Variants in CRELD1 observed in about 807,000 individuals in gnomAD.
CRELD1 encodes the protein CRELD disulfide isomerase 1, also known as protein disulfide isomerase CRELD1.
In CRELD1, 42 loss-of-function variants were observed where a neutral mutation model predicts 58.2. That is an observed-to-expected ratio of 0.72 (90% confidence interval 0.56 to 0.93). The LOEUF is 0.93. Among genes scored for constraint, CRELD1 ranks in the 40% least tolerant of loss-of-function variants. The pLI is 0.00. For missense variants in CRELD1, 500 were observed against 540.6 expected, an observed-to-expected ratio of 0.92 and a Z score of 0.74; for synonymous variants, 222 against 202.0, an observed-to-expected ratio of 1.10 and a Z score of -0.84.
Position 9,940,986 on chromosome 3 carries a change from C to CT in CRELD1, c.600dup (p.Glu201Ter). 1 of 1,614,144 alleles carries CT rather than the reference C, an allele frequency of 6.2e-7. No individual in the cohort carries two copies. ...CCTGTGGCCAGTGTGGCCTTGGCTACTTTGAGGCAGAACGCAACGCCAGCC... is the reference window on the plus strand; with the variant it reads ...CCTGTGGCCAGTGTGGCCTTGGCTACTTTTGAGGCAGAACGCAACGCCAGCC... On this transcript the variant is annotated frameshift_variant, in exon 6 of 11. Transcript: ENST00000452070. LOFTEE classifies it high-confidence loss of function.
Position 9,934,433 on chromosome 3 carries a change from G to C in CRELD1, c.-6G>C, listed in dbSNP as rs747022364. The C allele has an allele frequency of 1.2e-6, 2 of 1,613,688 alleles. No homozygotes were observed. Among genetic ancestry groups the C allele is most frequent in the Non-Finnish European group, 1.7e-6 (2 of 1,179,744 alleles). On this transcript the variant is annotated 5_prime_UTR_variant, in exon 2 of 11. Coordinates refer to ENST00000452070, the MANE Select transcript of CRELD1 (RefSeq NM_001077415.3). ...CTCTATCTGCAGGTCCCCAGCCTGGGTAAAGATGGCCCCATGGCCCCCGAA... is the reference window on the plus strand; with the variant it reads ...CTCTATCTGCAGGTCCCCAGCCTGGCTAAAGATGGCCCCATGGCCCCCGAA...
At chr3:9,943,962 C>A in intron 10 of CRELD1, 1 of 1,178,730 alleles carries the variant, frequency 8.5e-7, no homozygotes, top group Non-Finnish European at 1.3e-6. Context: ...AAGTTGGGTT[C>A]TCATCCCCAC....
chr3:9,937,195 A>G (rs1457836024), intron 3 of CRELD1, among the ~76,000 whole-genome samples: 2 of 152,134 alleles, frequency 1.3e-5, no homozygotes, highest in Non-Finnish European at 2.9e-5. Flanking sequence ...TAATTTCTCC[A>G]CATCCCTGCC....
intron 5 of CRELD1, among the ~76,000 whole-genome samples, chr3:9,939,868 G>A (rs1246515670): frequency 3.6e-4 from 55 of 152,166 alleles, no homozygotes; most frequent in African/African-American, 1.2e-3. Context: ...AGACGGGGTG[G>A]TGGCCGGGCA....
intron 3 of CRELD1, chr3:9,935,955 A>C (rs887886001): frequency 1.3e-5 from 2 of 152,250 alleles, no homozygotes; most frequent in Non-Finnish European, 2.9e-5. Flanking sequence ...GGAAGGATAC[A>C]GAAAGCCATT....
rs970504458 is a variant in CRELD1 at position 9,944,961 on chromosome 3, C to G, written c.*382C>G. ...GCTGCCAGTTCCTGTTCTGTGTTCA[C>G]CACATCCCCACACCCCATTGCCACT... On this transcript the variant is annotated 3_prime_UTR_variant, in exon 11 of 11. Coordinates refer to ENST00000452070, the MANE Select transcript of CRELD1 (RefSeq NM_001077415.3). 11 of 329,362 alleles carry G rather than the reference C, an allele frequency of 3.3e-5. No individual in the cohort carries two copies. Among genetic ancestry groups the G allele is most frequent in the African/African-American group, 1.9e-4 (9 of 47,134 alleles). The allele number at this position is 329,362 out of a possible 1,614,324, so 20.4% of individuals were successfully genotyped here.
intron 7 of CRELD1, among the ~76,000 whole-genome samples, chr3:9,941,837 G>T (rs2085378762): frequency 6.7e-6 from 1 of 148,204 alleles, no homozygotes; most frequent in Non-Finnish European, 1.5e-5. Context: ...TTGGCTAGGA[G>T]AATGAGGACA....
chr3:9,941,732 G>A (rs2124853147), intron 7 of CRELD1, among the ~76,000 whole-genome samples: 1 of 144,754 alleles, frequency 6.9e-6, no homozygotes. Context: ...GGAGCTTGCA[G>A]TGAGCCGAGA....
At chr3:9,940,820 G>T in intron 5 of CRELD1, 30 bp from the exon 6 acceptor site, 2 of 1,609,122 alleles carry the variant, frequency 1.2e-6, no homozygotes, top group South Asian at 2.2e-5. Context: ...TTGTATAGAT[G>T]ACCTCACCTG....
chr3:9,937,573 T>G lies in CRELD1; in HGVS notation c.269T>G (p.Leu90Arg). ...CCCTGTCCGATCAGTGAGACCCGCC[T>G]GGTAGAGGTGCTGGAGGGTGTGTGC... ...LSKYKDSETR[L>R]VEVLEGVCSK... Residue 90 changes from leucine to arginine, a missense_variant, in exon 4 of 11, where the codon CTG (leucine) becomes CGG (arginine). Coordinates refer to ENST00000452070, the MANE Select transcript of CRELD1 (RefSeq NM_001077415.3). The G allele has an allele frequency of 6.2e-7, 1 of 1,611,162 alleles. No individual in the cohort carries two copies. Among genetic ancestry groups the G allele is most frequent in the Non-Finnish European group, 8.5e-7 (1 of 1,179,090 alleles).
At position 9,944,347 on chromosome 3, in the gene CRELD1, T is replaced by C; in HGVS notation, c.1049-18T>C. On this transcript the variant is annotated intron_variant, in intron 10 of 10. Coordinates refer to ENST00000452070, the MANE Select transcript of CRELD1 (RefSeq NM_001077415.3). ...ACAGGGATACGAGTGCCAGGCTGCA[T>C]CTCTTGCTCCTCTGCAGAGTCAGCA... 1 of 1,607,730 alleles carries C rather than the reference T, an allele frequency of 6.2e-7. No individual in the cohort carries two copies. Among genetic ancestry groups the C allele is most frequent in the East Asian group, 2.2e-5 (1 of 44,856 alleles).
At chr3:9,938,187 T>C in intron 5 of CRELD1, 81 bp downstream of exon 5, 1 of 1,100,446 alleles carries the variant, frequency 9.1e-7, no homozygotes. Context: ...CCTAGTTCGC[T>C]GTGTGAACTC....
At chr3:9,943,850 A>G (rs1243681561) in intron 10 of CRELD1, 1 of 1,613,892 alleles carries the variant, frequency 6.2e-7, no homozygotes, top group Admixed American at 1.7e-5. Flanking sequence ...AATCACAACG[A>G]TGATGGCAGG....
chr3:9,941,323 A>C, intron 7 of CRELD1, 117 bp downstream of exon 7: 5 of 878,806 alleles, frequency 5.7e-6, no homozygotes, highest in South Asian at 5.0e-5. Context: ...TGGAGATCTC[A>C]ACCTGGCTGG....
chr3:9,941,276 A>G, intron 7 of CRELD1, 70 bp downstream of exon 7: 2 of 1,387,614 alleles, frequency 1.4e-6, no homozygotes, highest in African/African-American at 1.4e-5. Context: ...TTCTCTCAAC[A>G]CAAGCCTGGG....
rs938200494 is a variant in CRELD1, at chr3:9,934,696, G to A, written c.174+84G>A. 6.4e-6 allele frequency: 10 copies of A among 1,554,926 alleles called. No homozygotes were observed. In the African/African-American group the frequency reaches 1.2e-4, roughly 19 times the overall value. On this transcript the variant is annotated intron_variant, in intron 2 of 10. Coordinates refer to ENST00000452070, the MANE Select transcript of CRELD1 (RefSeq NM_001077415.3). ...GGGATGCAAATCTGCGTGGATTTAA[G>A]TTTCATCTTGGTCTCTTACTAGTTG...
chr3:9,944,614 A>C lies in CRELD1; in HGVS notation c.*35A>C. On this transcript the variant is annotated 3_prime_UTR_variant, in exon 11 of 11. Coordinates refer to ENST00000452070, the MANE Select transcript of CRELD1 (RefSeq NM_001077415.3). ...CCACCTGTAGGACCTCCTCCCACCC[A>C]CGCTGCCCCCAGAGCTTGGGCTGCC... The C allele has an allele frequency of 1.3e-6, 2 of 1,552,308 alleles. No homozygotes were observed. The highest frequency in any genetic ancestry group is 1.1e-5 in the South Asian group (1 of 87,492).
intron 5 of CRELD1, among the ~76,000 whole-genome samples, chr3:9,939,873 C>T (rs1208827961): frequency 2.0e-5 from 3 of 152,162 alleles, no homozygotes; most frequent in Non-Finnish European, 2.9e-5. Context: ...GGGTGGTGGC[C>T]GGGCAGAGGG....
intron 5 of CRELD1, among the ~76,000 whole-genome samples, chr3:9,939,722 G>A (rs373140139): frequency 0.017 from 2,513 of 152,226 alleles, 73 homozygotes; most frequent in African/African-American, 0.057. Context: ...AAAGTCTCCC[G>A]TGTCTACTTC....
Sources: allele counts gnomAD v4.1 joint callset (sites outside exome capture counted in the v4.1 genomes callset), GRCh38; gene constraint gnomAD v4.1.1; transcripts MANE v1.5; gene names NCBI Gene and HGNC (gene_info 2026-07-23, HGNC 2026-07-21).